Variants in NPAS3 observed in about 807,000 individuals in gnomAD.
NPAS3 encodes the protein neuronal PAS domain protein 3.
A neutral mutation model predicts 73.1 loss-of-function variants in NPAS3; 14 were observed. The observed-to-expected ratio is 0.19, with a 90% CI of 0.13 to 0.30. The LOEUF is 0.30. Among genes scored for constraint, NPAS3 ranks in the 10% least tolerant of loss-of-function variants. The pLI is 1.00. For synonymous variants in NPAS3, 620 were observed against 541.5 expected, an observed-to-expected ratio of 1.14 and a Z score of -2.01; for missense variants, 1,096 against 1,250.0, an observed-to-expected ratio of 0.88 and a Z score of 1.86.
At chr14:33,281,652 G>A (rs1167468198) in intron 3 of NPAS3, among the ~76,000 whole-genome samples, 3 of 152,080 alleles carry the variant, frequency 2.0e-5, no homozygotes, top group Non-Finnish European at 4.4e-5. Flanking sequence ...TTTTTTCTGT[G>A]CTTATTTTGG....
At chr14:32,935,886 C>G (rs999754171), upstream of NPAS3, among the ~76,000 whole-genome samples, 11 of 152,030 alleles carry the variant, frequency 7.2e-5, no homozygotes, top group African/African-American at 2.4e-4. Context: ...TAACAATGTA[C>G]TATGAAAGGT....
intron 9 of NPAS3, among the ~76,000 whole-genome samples, chr14:33,791,781 T>C (rs2063366012): frequency 6.6e-6 from 1 of 152,202 alleles, no homozygotes; most frequent in Non-Finnish European, 1.5e-5. Flanking sequence ...TTGGTCAAAT[T>C]CTAGTCTAGA....
intron 5 of NPAS3, among the ~76,000 whole-genome samples, chr14:33,637,169 C>T (rs2058545143): frequency 6.6e-6 from 1 of 152,096 alleles, no homozygotes; most frequent in Non-Finnish European, 1.5e-5. Context: ...ATGAGTTCCC[C>T]ATAATGCTCT....
chr14:33,179,451 C>T (rs973071435), intron 2 of NPAS3, among the ~76,000 whole-genome samples: 3 of 152,106 alleles, frequency 2.0e-5, no homozygotes, highest in African/African-American at 7.2e-5. Context: ...AGTGTTTTTA[C>T]TATGTTATTT....
chr14:33,586,159 C>A (rs2056850011), intron 5 of NPAS3, among the ~76,000 whole-genome samples: 1 of 151,564 alleles, frequency 6.6e-6, no homozygotes. Context: ...GAAAATGAGG[C>A]ATCTTGTTTT....
At chr14:33,263,649 T>A (rs1246843571) in intron 3 of NPAS3, among the ~76,000 whole-genome samples, 2 of 152,168 alleles carry the variant, frequency 1.3e-5, no homozygotes, top group Non-Finnish European at 2.9e-5. Flanking sequence ...TTTTTCCAAT[T>A]CTGTGAAGAA....
intron 7 of NPAS3, among the ~76,000 whole-genome samples, chr14:33,771,433 A>G (rs575884680): frequency 1.3e-5 from 2 of 152,170 alleles, no homozygotes; most frequent in Non-Finnish European, 2.9e-5. Flanking sequence ...AGTTTATATT[A>G]CTTCTCAAAG....
chr14:32,985,194 T>A (rs1376319033), intron 1 of NPAS3, among the ~76,000 whole-genome samples: 2 of 152,098 alleles, frequency 1.3e-5, no homozygotes, highest in Admixed American at 6.6e-5. Flanking sequence ...ATACAGAAAA[T>A]GGTAAACAAA....
chr14:33,274,803 T>G (rs1471028350), intron 3 of NPAS3, among the ~76,000 whole-genome samples: 3 of 152,174 alleles, frequency 2.0e-5, no homozygotes, highest in East Asian at 3.9e-4. Context: ...AGCTTCTTCC[T>G]TGGACCACAG....
chr14:33,419,424 T>C (rs542937052), intron 4 of NPAS3, among the ~76,000 whole-genome samples: 2 of 152,032 alleles, frequency 1.3e-5, no homozygotes, highest in East Asian at 3.9e-4. Flanking sequence ...ACTGTGATTG[T>C]TGTGGGTGAT....
At chr14:32,963,545 A>G (rs1566406390) in intron 1 of NPAS3, among the ~76,000 whole-genome samples, 1 of 152,016 alleles carries the variant, frequency 6.6e-6, no homozygotes, top group East Asian at 1.9e-4. Flanking sequence ...GTAGATCGCA[A>G]TCCCTGCACG....
At chr14:33,543,098 G>A (rs1193309283) in intron 4 of NPAS3, among the ~76,000 whole-genome samples, 1 of 152,172 alleles carries the variant, frequency 6.6e-6, no homozygotes, top group African/African-American at 2.4e-5. Flanking sequence ...GGGAACGCAT[G>A]CTGATGAAAA....
chr14:33,692,138 G>A (rs533127693), intron 6 of NPAS3, among the ~76,000 whole-genome samples: 2 of 152,234 alleles, frequency 1.3e-5, no homozygotes, highest in African/African-American at 2.4e-5. Flanking sequence ...ATGCGTGGGC[G>A]GAGGTATGTG....
At chr14:33,592,961 G>C (rs1031931309) in intron 5 of NPAS3, among the ~76,000 whole-genome samples, 1 of 152,024 alleles carries the variant, frequency 6.6e-6, no homozygotes, top group Non-Finnish European at 1.5e-5. Context: ...GGGAAAGTTT[G>C]TTTCTCACCC....
chr14:32,946,578 ATC>A (rs150671304), intron 1 of NPAS3, among the ~76,000 whole-genome samples: 6,396 of 152,296 alleles, frequency 0.042, 209 homozygotes, highest in Middle Eastern at 0.071. Context: ...TGCCACATTT[ATC>A]TTTACGTTTT....
intron 3 of NPAS3, among the ~76,000 whole-genome samples, chr14:33,313,840 T>C (rs2043101997): frequency 6.6e-6 from 1 of 152,086 alleles, no homozygotes; most frequent in Non-Finnish European, 1.5e-5. Flanking sequence ...TCGTGACATA[T>C]TTTTATTTAA....
At chr14:33,136,904 A>G (rs901587767) in intron 2 of NPAS3, among the ~76,000 whole-genome samples, 2 of 152,180 alleles carry the variant, frequency 1.3e-5, no homozygotes, top group South Asian at 2.1e-4. Flanking sequence ...ACTTTGTTGT[A>G]ATATGCTCCC....
chr14:33,369,420 A>AAAAAAAAAAAAAAAAAAAAAAAAAAAC (rs2045985899), intron 4 of NPAS3, among the ~76,000 whole-genome samples: 1 of 150,806 alleles, frequency 6.6e-6, no homozygotes, highest in Non-Finnish European at 1.5e-5. Flanking sequence ...AAAAAAAAAA[A>AAAAAAAAAAAAAAAAAAAAAAAAAAAC]AAAAAAAGGA....
At chr14:33,319,605 C>T (rs2043350555) in intron 3 of NPAS3, among the ~76,000 whole-genome samples, 1 of 151,938 alleles carries the variant, frequency 6.6e-6, no homozygotes, top group Non-Finnish European at 1.5e-5. Flanking sequence ...AGTTATGATT[C>T]TATTTTACTG....
Sources: gnomAD v4.1 joint callset for allele counts (sites outside exome capture counted in the v4.1 genomes callset) on GRCh38, gnomAD v4.1.1 for gene constraint, MANE v1.5 for transcripts, NCBI Gene and HGNC (gene_info 2026-07-23, HGNC 2026-07-21) for gene names.